NVL: variants seen among roughly 807,000 people sequenced by gnomAD.
The protein encoded by NVL is nuclear valosin-containing protein-like.
A neutral mutation model predicts 110.2 loss-of-function variants in NVL; 84 were observed. The ratio of observed to expected loss-of-function variants is 0.76; its 90% CI spans 0.64 to 0.91. NVL has a LOEUF of 0.91. Ranked by LOEUF, NVL falls within the 40% of genes least tolerant of loss-of-function variation. NVL has a pLI of 0.00. For synonymous variants in NVL, 354 were observed against 361.1 expected (o/e 0.98, Z 0.22); for missense variants, 882 against 1,035.9 (o/e 0.85, Z 2.04).
rs748896082 is a variant in NVL at position 224,300,622 on chromosome 1, A to G, written c.1002T>C (p.Ile334=). ...CAGACTCTCCGGATACTCCAGACAC[A>G]ATCTCTGGAGCAGCCACTTTCAAAA... The part of the protein sequence containing the change: ...LPILKVAAPE[I]VSGVSGESEQ... Residue 334 remains isoleucine (I), a synonymous_variant, in exon 10 of 23, where the codon ATT becomes ATC. Transcript: ENST00000281701. 2.2e-5 allele frequency: 35 copies of G among 1,613,942 alleles called. No homozygotes were observed. The highest frequency in any genetic ancestry group is 2.8e-5 in the Non-Finnish European group (33 of 1,179,904).
intron 19 of NVL, among the ~76,000 whole-genome samples, chr1:224,247,020 C>T (rs1164892050): frequency 7.6e-6 from 1 of 130,904 alleles, no homozygotes; most frequent in Non-Finnish European, 1.6e-5. Flanking sequence ...TCAGCCTGGG[C>T]AACAAACAGG....
In NVL at chr1:224,275,331, A is replaced by T; in HGVS notation, c.2082+8T>A. 6.2e-7 allele frequency: 1 copy of T among 1,614,178 alleles called. No individual in the cohort carries two copies. Among genetic ancestry groups the T allele is most frequent in the Non-Finnish European group, 8.5e-7 (1 of 1,180,012 alleles). On this transcript the variant is annotated splice_region_variant and intron_variant, in intron 17 of 22. Coordinates refer to ENST00000281701, the MANE Select transcript of NVL (RefSeq NM_002533.4). ...AGAATCTGAAAACCACTAGTCCATG[A>T]TACTTACCTCTCGGTCTGATCTTCG...
At position 224,289,557 on chromosome 1, in the gene NVL, G is replaced by C. The variant is rs139575589; in HGVS notation, c.1502C>G (p.Pro501Arg). ...MKLQEQQKKNPEMEDLPSKGV... is the reference protein window; with the variant it reads ...MKLQEQQKKNREMEDLPSKGV... Reference sequence around the variant, plus strand: ...TTTAGATGGCAAATCTTCCATTTCAGGATTTTTCTTCTGCTGTTCCTGTAG... The same window carrying C: ...TTTAGATGGCAAATCTTCCATTTCACGATTTTTCTTCTGCTGTTCCTGTAG... The change falls in exon 13 of 23, where the codon CCT becomes CGT. Residue 501 changes from proline (P) to arginine (R), a missense_variant. Physicochemically the swap from Pro to Arg is moderately radical, Grantham distance 103. This residue lies in a region of NVL where 416 missense variants were observed against 499.3 expected (regional missense o/e 0.83). Coordinates refer to ENST00000281701, the MANE Select transcript of NVL (RefSeq NM_002533.4). 3.1e-6 allele frequency: 5 copies of C among 1,614,096 alleles called. No homozygotes were observed. The highest frequency in any genetic ancestry group is 1.3e-5 in the African/African-American group (1 of 74,936).
chr1:224,305,174 G>T lies in NVL; in HGVS notation c.616-8C>A. The T allele has an allele frequency of 1.3e-6, 2 of 1,594,642 alleles. No individual in the cohort carries two copies. The highest frequency in any genetic ancestry group is 1.7e-6 in the Non-Finnish European group (2 of 1,175,408). On this transcript the variant is annotated splice_polypyrimidine_tract_variant and splice_region_variant and intron_variant, in intron 6 of 22. Transcript: ENST00000281701. Reference sequence around the variant, plus strand: ...AGAAGAATCTTTTGAATCCTGGAAAGAAAATAAATTTAAATATGCCATGCT... The same window carrying T: ...AGAAGAATCTTTTGAATCCTGGAAATAAAATAAATTTAAATATGCCATGCT...
chr1:224,254,875 TA>T (rs1042510772), intron 18 of NVL, among the ~76,000 whole-genome samples: 2 of 115,048 alleles, frequency 1.7e-5, no homozygotes, highest in African/African-American at 6.1e-5. Flanking sequence ...TAAAATGGTG[TA>T]GTTTTTTTTT....
chr1:224,258,176 GAACA>G (rs1200460718), intron 18 of NVL, among the ~76,000 whole-genome samples: 1 of 152,052 alleles, frequency 6.6e-6, no homozygotes, highest in Non-Finnish European at 1.5e-5. Context: ...TTTGTATCTA[GAACA>G]AAGAACTCTT....
intron 21 of NVL, 62 bp downstream of exon 21, chr1:224,233,139 C>T (rs1317121072): frequency 7.1e-7 from 1 of 1,411,588 alleles, no homozygotes; most frequent in South Asian, 1.3e-5. Context: ...TGGTCATTTT[C>T]CAGGGCAACA....
chr1:224,328,963 T>G (rs774776361), intron 1 of NVL, among the ~76,000 whole-genome samples: 1 of 151,988 alleles, frequency 6.6e-6, no homozygotes, highest in Non-Finnish European at 1.5e-5. Flanking sequence ...CCCAGCACTT[T>G]GGGAGGCTGA....
intron 1 of NVL, among the ~76,000 whole-genome samples, chr1:224,328,617 A>C (rs1190697298): frequency 2.0e-5 from 3 of 152,172 alleles, no homozygotes; most frequent in Non-Finnish European, 2.9e-5. Context: ...AGGGAAAGAC[A>C]GTAAGAAGTA....
At chr1:224,266,805 C>T (rs1413163020) in intron 18 of NVL, among the ~76,000 whole-genome samples, 1 of 152,188 alleles carries the variant, frequency 6.6e-6, no homozygotes, top group Non-Finnish European at 1.5e-5. Context: ...AACATGATAA[C>T]AATTACTAAA....
Position 224,296,488 on chromosome 1 carries a change from A to C in NVL, c.1180+13T>G. On this transcript the variant is annotated intron_variant, in intron 11 of 22. Coordinates refer to ENST00000281701, the MANE Select transcript of NVL (RefSeq NM_002533.4). The stretch of plus-strand genomic sequence containing the variant: ...TTTATTCTCTTAAAATGAATTTATT[A>C]TTTTAAACTAACCATCCATGCAGGT... 1 of 1,344,422 alleles carries C rather than the reference A, an allele frequency of 7.4e-7. No individual in the cohort carries two copies. The highest frequency in any genetic ancestry group is 1.0e-6 in the Non-Finnish European group (1 of 980,024). 83.3% of individuals were successfully genotyped at this position (1,344,422 alleles called of 1,614,324 possible). A position where few individuals can be genotyped will look rare whatever the true frequency, so the allele number is the denominator to read the frequency against.
chr1:224,283,821 C>T (rs1401907918), intron 15 of NVL, among the ~76,000 whole-genome samples: 2 of 152,174 alleles, frequency 1.3e-5, no homozygotes, highest in East Asian at 1.9e-4. Flanking sequence ...GTGTTGTTCT[C>T]TTCTACCTCC....
intron 2 of NVL, among the ~76,000 whole-genome samples, chr1:224,319,226 T>C (rs1049312673): frequency 4.6e-5 from 7 of 151,842 alleles, no homozygotes; most frequent in Non-Finnish European, 7.4e-5. Context: ...AAATTTAATA[T>C]TGATAAATTA....
In NVL at chr1:224,329,623, T is replaced by C. The variant is rs112570963; in HGVS notation, c.57+448A>G. 4.1e-3 allele frequency among the ~76,000 whole-genome samples: 628 copies of C among 152,340 alleles called. 5 individuals carry two copies. Among genetic ancestry groups the C allele is most frequent in the African/African-American group, 0.015 (604 of 41,568 alleles). ...CCGTAGGCAAAGTGCCTGTTACTGTTGCCAGACCCATGTTATCTCGTTTTA... is the reference window on the plus strand; with the variant it reads ...CCGTAGGCAAAGTGCCTGTTACTGTCGCCAGACCCATGTTATCTCGTTTTA... On this transcript the variant is annotated intron_variant, in intron 1 of 22. Coordinates refer to ENST00000281701, the MANE Select transcript of NVL (RefSeq NM_002533.4).
Position 224,241,848 on chromosome 1 carries a change from C to A in NVL, c.2290-5266G>T, listed in dbSNP as rs1207075062. On this transcript the variant is annotated intron_variant, in intron 19 of 22. Coordinates refer to ENST00000281701, the MANE Select transcript of NVL (RefSeq NM_002533.4). Reference sequence around the variant, plus strand: ...TCCAGCCTAGGGAACAAGAGTGAGACCTCGTCTCAAAAAAAAAAAAATAAA... The same window carrying A: ...TCCAGCCTAGGGAACAAGAGTGAGAACTCGTCTCAAAAAAAAAAAAATAAA... 4.7e-5 allele frequency among the ~76,000 whole-genome samples: 6 copies of A among 127,186 alleles called. No homozygotes were observed. In the East Asian group the frequency reaches 1.1e-3, roughly 22 times the overall value. 83.4% of individuals were successfully genotyped at this position (127,186 alleles called of 152,430 possible).
rs368561668 is a variant in NVL, at chr1:224,250,263, C to T, written c.2238G>A (p.Val746=). The T allele has an allele frequency of 3.5e-5, 57 of 1,607,896 alleles. No homozygotes were observed. The highest frequency in any genetic ancestry group is 4.5e-5 in the Non-Finnish European group (53 of 1,177,626). Residue 746 remains valine, a synonymous_variant, in exon 19 of 23, where the codon GTG becomes GTA. Coordinates refer to ENST00000281701, the MANE Select transcript of NVL (RefSeq NM_002533.4). ...RPGRLDKTLF[V]GLPPPADRLA... The stretch of plus-strand genomic sequence containing the variant: ...GGCGATCTGCAGGGGGCGGTAAACC[C>T]ACAAACAGTGTTTTGTCCAGGCGGC...
At chr1:224,247,625 C>T in intron 19 of NVL, among the ~76,000 whole-genome samples, 1 of 151,706 alleles carries the variant, frequency 6.6e-6, no homozygotes, top group East Asian at 1.9e-4. Flanking sequence ...ACCGAGGTGG[C>T]ACCACTGCAC....
chr1:224,228,602 C>A (rs565263805), intron 22 of NVL, among the ~76,000 whole-genome samples: 1 of 150,254 alleles, frequency 6.7e-6, no homozygotes, highest in Non-Finnish European at 1.5e-5. Context: ...TGCGCCAGGC[C>A]GGGAAAGTAG....
In NVL at chr1:224,289,710, T is replaced by C. The variant is rs1393534744; in HGVS notation, c.1349A>G (p.Lys450Arg). 1.2e-6 allele frequency: 2 copies of C among 1,613,944 alleles called. No homozygotes were observed. The highest frequency in any genetic ancestry group is 2.2e-5 in the South Asian group (2 of 91,048). ...RERILQTLCRKLRLPQAFDFC... is the reference protein window; with the variant it reads ...RERILQTLCRRLRLPQAFDFC... ...ATCAAAAGCTTGAGGAAGCCTCAGTTTTCTGCACAATGTTTGAAGTATTCT... is the reference window on the plus strand; with the variant it reads ...ATCAAAAGCTTGAGGAAGCCTCAGTCTTCTGCACAATGTTTGAAGTATTCT... The change falls in exon 13 of 23, where the codon AAA (lysine) becomes AGA (arginine). Residue 450 changes from lysine to arginine, a missense_variant. Lys to Arg is a conservative substitution (Grantham distance 26, BLOSUM62 2). Coordinates refer to ENST00000281701, the MANE Select transcript of NVL (RefSeq NM_002533.4).
Sources: gnomAD v4.1 joint callset for allele counts (sites outside exome capture counted in the v4.1 genomes callset) on GRCh38, gnomAD v4.1.1 for gene constraint, gnomAD v4.1.1 regional missense constraint, MANE v1.5 for transcripts, NCBI Gene and HGNC (gene_info 2026-07-23, HGNC 2026-07-21) for gene names.